Variants in NIBAN3 observed in about 807,000 individuals in gnomAD.
The protein encoded by NIBAN3 is niban apoptosis regulator 3, also known as protein Niban 3.
Under a neutral mutation model 76.4 loss-of-function variants are expected in NIBAN3, and 66 were observed. The ratio of observed to expected loss-of-function variants is 0.86; its 90% CI spans 0.71 to 1.06. The LOEUF is 1.06. NIBAN3 is among the 50% of genes least tolerant of loss of function. NIBAN3 has a pLI of 0.00. For missense variants in NIBAN3, 808 were observed against 810.7 expected, an observed-to-expected ratio of 1.00 and a Z score of 0.04; for synonymous variants, 360 against 355.2, an observed-to-expected ratio of 1.01 and a Z score of -0.15.
rs1411904976 is a variant in NIBAN3 at position 17,551,129 on chromosome 19, C to T, written c.1751-657C>T. 2.6e-5 allele frequency among the ~76,000 whole-genome samples: 4 copies of T among 152,050 alleles called. No homozygotes were observed. The East Asian group carries it at 5.8e-4, about 22-fold the overall frequency. On this transcript the variant is annotated intron_variant, in intron 14 of 14. Transcript: ENST00000599164. ...ATTTATTTTTTGAGATGGAGTGTCG[C>T]TCTGTCACCAGGCTGGAGTGCAGTG...
chr19:17,553,287 G>A lies in NIBAN3; in HGVS notation c.*1389G>A. 2 of 1,607,648 alleles carry A rather than the reference G, an allele frequency of 1.2e-6. No homozygotes were observed. The highest frequency in any genetic ancestry group is 1.1e-5 in the South Asian group (1 of 90,886). ...TTTGGGGTTTTTTTCTCCGCTTGCTGTGAGCCTTTTGGGTTTGTTTCCTAG... is the reference window on the plus strand; with the variant it reads ...TTTGGGGTTTTTTTCTCCGCTTGCTATGAGCCTTTTGGGTTTGTTTCCTAG... On this transcript the variant is annotated 3_prime_UTR_variant, in exon 15 of 15. Transcript: ENST00000599164.
intron 9 of NIBAN3, among the ~76,000 whole-genome samples, chr19:17,541,752 C>T (rs10413446): frequency 0.032 from 4,899 of 151,710 alleles, 229 homozygotes; most frequent in African/African-American, 0.11. Flanking sequence ...TGCAGTGGTG[C>T]GATCTTGGCT....
rs2076184173 is a variant in NIBAN3 at position 17,553,334 on chromosome 19, C to G, written c.*1436C>G. 1.2e-6 allele frequency: 2 copies of G among 1,613,798 alleles called. No homozygotes were observed. The highest frequency in any genetic ancestry group is 2.7e-5 in the African/African-American group (2 of 75,034). On this transcript the variant is annotated 3_prime_UTR_variant, in exon 15 of 15. Coordinates refer to ENST00000599164, the MANE Select transcript of NIBAN3 (RefSeq NM_001321827.2). ...CTAGCTCCAAATCTTAACTTGGTGT[C>G]AAGTTTCCTGGCTGGGAGACAAGCT...
At chr19:17,550,866 T>C (rs956973485) in intron 14 of NIBAN3, among the ~76,000 whole-genome samples, 1 of 138,932 alleles carries the variant, frequency 7.2e-6, no homozygotes, top group Admixed American at 7.2e-5. Context: ...TTTTTTTTTT[T>C]CAAATGCAGG....
chr19:17,533,712 CGG>C lies in NIBAN3; in HGVS notation c.427+14_427+15del. ...GCCCTGAATCCTTGGGTAAGGGTCC[CGG>C]GGTTCCCAGGAACAGGTTTCTCCAC... is the stretch of plus-strand genomic sequence containing the variant. On this transcript the variant is annotated intron_variant, in intron 4 of 14. Coordinates refer to ENST00000599164, the MANE Select transcript of NIBAN3 (RefSeq NM_001321827.2). The C allele has an allele frequency of 6.2e-7, 1 of 1,600,696 alleles. No homozygotes were observed.
chr19:17,540,569 G>C lies in NIBAN3; in HGVS notation c.1157G>C (p.Arg386Pro). Residue 386 changes from arginine to proline, a missense_variant, in exon 9 of 15, where the codon CGG becomes CCG. Arg to Pro is a moderately radical substitution (Grantham distance 103). Coordinates refer to ENST00000599164, the MANE Select transcript of NIBAN3 (RefSeq NM_001321827.2). ...HRLRQSPSGT[R>P]LRREVYSFGE... is the part of the protein sequence containing the mutation. Reference sequence around the variant, plus strand: ...CTGCGCCAGAGCCCCTCAGGCACGCGGCTGCGCAGGGAGGTGAGCTCCCGT... The same window carrying C: ...CTGCGCCAGAGCCCCTCAGGCACGCCGCTGCGCAGGGAGGTGAGCTCCCGT... The C allele has an allele frequency of 6.6e-7, 1 of 1,517,288 alleles. No individual in the cohort carries two copies. The highest frequency in any genetic ancestry group is 2.5e-5 in the East Asian group (1 of 40,588). 94.0% of individuals were successfully genotyped at this position (1,517,288 alleles called of 1,614,324 possible).
At position 17,553,289 on chromosome 19, in the gene NIBAN3, G is replaced by A; in HGVS notation, c.*1391G>A. ...TGGGGTTTTTTTCTCCGCTTGCTGTGAGCCTTTTGGGTTTGTTTCCTAGCT... is the reference window on the plus strand; with the variant it reads ...TGGGGTTTTTTTCTCCGCTTGCTGTAAGCCTTTTGGGTTTGTTTCCTAGCT... On this transcript the variant is annotated 3_prime_UTR_variant, in exon 15 of 15. Coordinates refer to ENST00000599164, the MANE Select transcript of NIBAN3 (RefSeq NM_001321827.2). 1 of 1,607,848 alleles carries A rather than the reference G, an allele frequency of 6.2e-7. No homozygotes were observed. Among genetic ancestry groups the A allele is most frequent in the Non-Finnish European group, 8.5e-7 (1 of 1,175,904 alleles).
chr19:17,537,232 T>G, intron 4 of NIBAN3, 144 bp from the exon 5 acceptor site: 1 of 861,586 alleles, frequency 1.2e-6, no homozygotes, highest in South Asian at 1.6e-5. Flanking sequence ...CCAGTGCTGT[T>G]GGAATAAGGA....
chr19:17,554,084 A>G (rs11879229), downstream of NIBAN3, among the ~76,000 whole-genome samples: 146,467 of 152,142 alleles, frequency 0.96, 70,701 homozygotes, highest in Middle Eastern at 1. Flanking sequence ...ATATTGACCA[A>G]GCTGGTCTCG....
intron 12 of NIBAN3, 67 bp from the exon 13 acceptor site, chr19:17,546,619 G>A: frequency 3.5e-6 from 5 of 1,421,136 alleles, no homozygotes; most frequent in Non-Finnish European, 9.2e-7. Flanking sequence ...TAGGGCAGAA[G>A]CCTGTGTTGT....
intron 14 of NIBAN3, among the ~76,000 whole-genome samples, chr19:17,550,564 G>A (rs1281246816): frequency 6.6e-6 from 1 of 152,134 alleles, no homozygotes; most frequent in Admixed American, 6.6e-5. Context: ...CTACCCGGGA[G>A]GCCCAGGTGG....
At chr19:17,545,925 G>A (rs1599752602) in intron 12 of NIBAN3, 1 of 435,602 alleles carries the variant, frequency 2.3e-6, no homozygotes. Flanking sequence ...CGGAGAAAAG[G>A]AGACTCCCTT....
At chr19:17,554,754 G>A (rs1240648885), downstream of NIBAN3, among the ~76,000 whole-genome samples, 1 of 147,174 alleles carries the variant, frequency 6.8e-6, no homozygotes, top group South Asian at 2.2e-4. Context: ...TACTCTAGCC[G>A]GGGCAATGGA....
upstream of NIBAN3, among the ~76,000 whole-genome samples, chr19:17,524,367 C>A (rs1258094640): frequency 6.6e-6 from 1 of 152,054 alleles, no homozygotes; most frequent in African/African-American, 2.4e-5. Flanking sequence ...CTCACTGCAA[C>A]CTCCGCCTCC....
At chr19:17,554,522 G>A (rs1309170517), downstream of NIBAN3, among the ~76,000 whole-genome samples, 4 of 151,228 alleles carry the variant, frequency 2.6e-5, no homozygotes, top group Admixed American at 2.6e-4. Context: ...GGTGGCTCAC[G>A]CCTGTAATCC....
chr19:17,548,162 A>T (rs2076093775), intron 13 of NIBAN3, among the ~76,000 whole-genome samples: 1 of 152,170 alleles, frequency 6.6e-6, no homozygotes, highest in African/African-American at 2.4e-5. Flanking sequence ...ATTAATGCCC[A>T]TGATCACTGA....
chr19:17,527,901 C>G (rs2075636590), intron 1 of NIBAN3, among the ~76,000 whole-genome samples: 1 of 151,802 alleles, frequency 6.6e-6, no homozygotes, highest in Admixed American at 6.6e-5. Context: ...ACTATGTTGC[C>G]CAGGCTGGTC....
At chr19:17,549,571 G>A (rs368377169) in intron 14 of NIBAN3, 44 bp downstream of exon 14, 9 of 1,492,530 alleles carry the variant, frequency 6.0e-6, no homozygotes, top group Admixed American at 1.7e-5. Flanking sequence ...GTGATTGCTG[G>A]GGGTGGGGAG....
chr19:17,544,250 C>G, intron 12 of NIBAN3, among the ~76,000 whole-genome samples: 1 of 152,040 alleles, frequency 6.6e-6, no homozygotes, highest in Non-Finnish European at 1.5e-5. Flanking sequence ...GAGCTAGGAT[C>G]GCACCACTGC....
Sources: allele counts gnomAD v4.1 joint callset (sites outside exome capture counted in the v4.1 genomes callset), GRCh38; gene constraint gnomAD v4.1.1; transcripts MANE v1.5; gene names NCBI Gene and HGNC (gene_info 2026-07-23, HGNC 2026-07-21).